The following CCDC171 variants were observed in gnomAD, a reference collection of about 807,000 sequenced individuals.
CCDC171 encodes the protein coiled-coil domain-containing protein 171.
CCDC171 carries 177 observed loss-of-function variants against 168.2 expected under a neutral mutation model. The ratio of observed to expected loss-of-function variants is 1.05; its 90% CI spans 0.93 to 1.19. The LOEUF (loss-of-function observed/expected upper bound fraction) is 1.19. Among genes scored for constraint, CCDC171 ranks in the 50% most tolerant of loss-of-function variants. The pLI is 0.00. For synonymous variants in CCDC171, 687 were observed against 540.8 expected (o/e 1.27, Z -3.75); for missense variants, 1,991 against 1,539.0 (o/e 1.29, Z -4.91).
intron 6 of CCDC171, among the ~76,000 whole-genome samples, chr9:15,617,065 T>G (rs889223103): frequency 7.0e-4 from 106 of 152,290 alleles, no homozygotes; most frequent in African/African-American, 2.2e-3. Context: ...TCTATACTGG[T>G]TATTCTAGTT....
At chr9:16,003,371 A>G (rs1386893826) in intron 3 of CCDC171, among the ~76,000 whole-genome samples, 1 of 152,186 alleles carries the variant, frequency 6.6e-6, no homozygotes, top group Non-Finnish European at 1.5e-5. Flanking sequence ...ATTCCACAAC[A>G]CAATGGCTCC....
intron 6 of CCDC171, among the ~76,000 whole-genome samples, chr9:15,610,399 G>A (rs192950900): frequency 0.011 from 1,393 of 126,304 alleles, 21 homozygotes; most frequent in Admixed American, 0.046. Context: ...CTGAGATCAG[G>A]AGTTCAAGAC....
intron 3 of CCDC171, among the ~76,000 whole-genome samples, chr9:15,572,635 A>T (rs967976843): frequency 2.0e-5 from 3 of 152,188 alleles, no homozygotes; most frequent in African/African-American, 7.2e-5. Context: ...TGCAGTTCTC[A>T]TGTTGGGAAA....
intron 24 of CCDC171, among the ~76,000 whole-genome samples, chr9:15,910,172 GCACACA>G (rs60923477): frequency 0.27 from 40,502 of 150,702 alleles, 5,541 homozygotes; most frequent in African/African-American, 0.33. Context: ...GTATATATGT[GCACACA>G]CACACACACA....
At chr9:15,570,432 T>C (rs2040134620) in intron 2 of CCDC171, among the ~76,000 whole-genome samples, 1 of 152,290 alleles carries the variant, frequency 6.6e-6, no homozygotes, top group East Asian at 1.9e-4. Context: ...GCATAGTCTT[T>C]CAAGGCATGC....
intron 23 of CCDC171, among the ~76,000 whole-genome samples, chr9:15,868,760 C>T (rs1413897033): frequency 6.6e-6 from 1 of 151,908 alleles, no homozygotes; most frequent in Non-Finnish European, 1.5e-5. Flanking sequence ...GCGCTAAGAG[C>T]ACTAGACTTA....
chr9:15,595,270 G>A (rs1220417676), intron 6 of CCDC171, among the ~76,000 whole-genome samples: 3 of 151,948 alleles, frequency 2.0e-5, no homozygotes, highest in African/African-American at 7.3e-5. Context: ...TTAACATTAG[G>A]TATATATCCT....
intron 21 of CCDC171, among the ~76,000 whole-genome samples, chr9:15,836,219 C>CA (rs1179820076): frequency 6.6e-6 from 1 of 152,172 alleles, no homozygotes; most frequent in African/African-American, 2.4e-5. Flanking sequence ...AGTGACTTTA[C>CA]AACCACAAGT....
intron 11 of CCDC171, among the ~76,000 whole-genome samples, chr9:15,717,741 G>A (rs2053184856): frequency 6.6e-6 from 1 of 152,130 alleles, no homozygotes; most frequent in Admixed American, 6.6e-5. Context: ...GGCCAGAAGG[G>A]AATCTACTGC....
intron 9 of CCDC171, among the ~76,000 whole-genome samples, chr9:15,672,442 A>G (rs1325552092): frequency 6.6e-6 from 1 of 152,098 alleles, no homozygotes; most frequent in Middle Eastern, 3.2e-3. Context: ...TATGTCCTGA[A>G]TGGTTTTGCA....
chr9:15,755,567 A>C (rs1234874450), intron 18 of CCDC171, among the ~76,000 whole-genome samples: 3 of 152,236 alleles, frequency 2.0e-5, no homozygotes, highest in African/African-American at 7.2e-5. Context: ...CCAGATGTCT[A>C]TCAACTGATT....
At chr9:15,777,239 G>C in intron 18 of CCDC171, among the ~76,000 whole-genome samples, 1 of 152,158 alleles carries the variant, frequency 6.6e-6, no homozygotes, top group East Asian at 1.9e-4. Flanking sequence ...TCTTGTCTGA[G>C]AATATAAATA....
intron 7 of CCDC171, among the ~76,000 whole-genome samples, chr9:15,655,798 C>A (rs2047881630): frequency 6.6e-6 from 1 of 152,130 alleles, no homozygotes; most frequent in South Asian, 2.1e-4. Context: ...CAAATAGGTA[C>A]ATGAAAAGAT....
At chr9:15,705,157 C>T (rs911360895) in intron 11 of CCDC171, among the ~76,000 whole-genome samples, 26 of 150,860 alleles carry the variant, frequency 1.7e-4, no homozygotes, top group Middle Eastern at 3.4e-3. Context: ...TGGTGATGGA[C>T]GTGTTAATTA....
At chr9:15,669,137 A>G (rs927605431) in intron 9 of CCDC171, among the ~76,000 whole-genome samples, 2 of 152,118 alleles carry the variant, frequency 1.3e-5, no homozygotes, top group Non-Finnish European at 2.9e-5. Flanking sequence ...CTGTGTGTAT[A>G]TTGCAGAGTT....
rs533843766 is a variant in CCDC171 at position 15,931,531 on chromosome 9, G to A, written c.3753+11109G>A. ...TATTCTGGATATTAACCCTTTGAGA[G>A]GTGTATAGTTTACCTATATTTTCTG... is the stretch of plus-strand genomic sequence containing the variant. On this transcript the variant is annotated intron_variant, in intron 25 of 25. Transcript: ENST00000380701. 1.7e-3 allele frequency among the ~76,000 whole-genome samples: 244 copies of A among 141,412 alleles called. 2 individuals carry two copies. The highest frequency in any genetic ancestry group is 6.1e-3 in the African/African-American group (235 of 38,736). 92.8% of individuals were successfully genotyped at this position (141,412 alleles called of 152,430 possible).
chr9:15,609,668 C>G (rs1473642128), intron 6 of CCDC171, among the ~76,000 whole-genome samples: 1 of 152,156 alleles, frequency 6.6e-6, no homozygotes, highest in Non-Finnish European at 1.5e-5. Context: ...CTTGGGTACT[C>G]TGTTCTGTTT....
rs147059789 is a variant in CCDC171 at position 15,712,475 on chromosome 9, C to T, written c.1319-9294C>T. Among the ~76,000 whole-genome samples, 38 of 152,298 alleles carry T rather than the reference C, an allele frequency of 2.5e-4. No individual in the cohort carries two copies. In the East Asian group the frequency reaches 7.3e-3, roughly 29 times the overall value. ...GAATCCTATGGAAACAATCTTATTT[C>T]CACACTTCATTTGCTGTAAAATGCA... On this transcript the variant is annotated intron_variant, in intron 11 of 25. Transcript: ENST00000380701.
At chr9:15,983,781 C>T (rs1831883670) in intron 3 of CCDC171, among the ~76,000 whole-genome samples, 1 of 137,990 alleles carries the variant, frequency 7.2e-6, no homozygotes. Flanking sequence ...TGTGTTTGTT[C>T]ATCCCAAGGT....
Sources: gnomAD v4.1 joint callset for allele counts (sites outside exome capture counted in the v4.1 genomes callset) on GRCh38, gnomAD v4.1.1 for gene constraint, MANE v1.5 for transcripts, NCBI Gene and HGNC (gene_info 2026-07-23, HGNC 2026-07-21) for gene names.